The following MRPS33 variants were observed in gnomAD, a reference collection of about 807,000 sequenced individuals.
The protein encoded by MRPS33 is small ribosomal subunit protein mS33.
Under a neutral mutation model 11.2 loss-of-function variants are expected in MRPS33, and 11 were observed. The ratio of observed to expected loss-of-function variants is 0.99; its 90% CI spans 0.62 to 1.63. The LOEUF is 1.63. Among genes scored for constraint, MRPS33 ranks in the 40% most tolerant of loss-of-function variants. The pLI is 0.00. For missense variants in MRPS33, 109 were observed against 127.8 expected (o/e 0.85, Z 0.71); for synonymous variants, 46 against 44.0 (o/e 1.05, Z -0.18).
Position 141,003,525 on chromosome 7 carries a change from T to C in MRPS33, c.*2905A>G, listed in dbSNP as rs1820454362. On this transcript the variant is annotated 3_prime_UTR_variant, in exon 3 of 3. Coordinates refer to ENST00000324787, the MANE Select transcript of MRPS33 (RefSeq NM_053035.3). ...TCTACTTCTGCGTTATCTACAAACT[T>C]CCCTGTCAATCATTGCCAAGGCTCA... is the stretch of plus-strand genomic sequence containing the variant. 1 of 152,250 alleles carries C rather than the reference T, an allele frequency of 6.6e-6. No individual in the cohort carries two copies. Among genetic ancestry groups the C allele is most frequent in the Non-Finnish European group, 1.5e-5 (1 of 68,050 alleles). The allele number at this position is 152,250 out of a possible 1,614,324, so 9.4% of individuals were successfully genotyped here. A position where few individuals can be genotyped will look rare whatever the true frequency, so the allele number is the denominator to read the frequency against.
intron 2 of MRPS33, 72 bp downstream of exon 2, chr7:141,010,347 G>C (rs1229313892): frequency 6.9e-7 from 1 of 1,453,902 alleles, no homozygotes; most frequent in African/African-American, 1.4e-5. Context: ...AGGATAGAAA[G>C]GCTAATTTTT....
At chr7:141,007,474 G>A (rs1259029827) in intron 2 of MRPS33, among the ~76,000 whole-genome samples, 1 of 152,120 alleles carries the variant, frequency 6.6e-6, no homozygotes, top group East Asian at 1.9e-4. Context: ...CAGTGCAGCT[G>A]GTATAATTCT....
At chr7:141,013,525 C>T (rs1820729423) in intron 1 of MRPS33, among the ~76,000 whole-genome samples, 1 of 152,234 alleles carries the variant, frequency 6.6e-6, no homozygotes, top group African/African-American at 2.4e-5. Context: ...TTTCCTTCCA[C>T]AGTGCACAGA....
At chr7:141,014,732 T>G (rs1239016759) in intron 1 of MRPS33, 179 bp downstream of exon 1, 4 of 151,908 alleles carry the variant, frequency 2.6e-5, no homozygotes, top group Non-Finnish European at 5.9e-5. Flanking sequence ...GTTTAAGAAA[T>G]CCCCCAACTG....
chr7:141,010,381 A>G (rs769868720), intron 2 of MRPS33, 38 bp downstream of exon 2: 6 of 1,592,742 alleles, frequency 3.8e-6, no homozygotes, highest in Non-Finnish European at 4.3e-6. Flanking sequence ...CTACTGAAAA[A>G]AAGTCTCTCA....
At chr7:141,009,706 G>A (rs1820624810) in intron 2 of MRPS33, 1 of 152,038 alleles carries the variant, frequency 6.6e-6, no homozygotes, top group Non-Finnish European at 1.5e-5. Context: ...GTCGGTCAGG[G>A]ACTCTGTTCA....
At position 141,010,620 on chromosome 7, in the gene MRPS33, G is replaced by C; in HGVS notation, c.14C>G (p.Ser5Ter). ...ACGAGACATGCGGAAGGCATATTCTGAAAGGGAGGACATTTCTTGAGTGGC... is the reference window on the plus strand; with the variant it reads ...ACGAGACATGCGGAAGGCATATTCTCAAAGGGAGGACATTTCTTGAGTGGC... MSSL[S>*]EYAFRMSRLS... The change falls in exon 2 of 3, where the codon TCA becomes TGA. Residue 5 changes from serine (S) to a stop codon, truncating the protein, a stop_gained. Coordinates refer to ENST00000324787, the MANE Select transcript of MRPS33 (RefSeq NM_053035.3). LOFTEE classifies it high-confidence loss of function. 1 of 1,614,168 alleles carries C rather than the reference G, an allele frequency of 6.2e-7. No homozygotes were observed.
intron 2 of MRPS33, 182 bp downstream of exon 2, chr7:141,010,237 T>A (rs577734007): frequency 1.7e-6 from 1 of 595,426 alleles, no homozygotes; most frequent in South Asian, 2.2e-5. Flanking sequence ...ATTTCCTTTT[T>A]TTTTTTGGTC....
intron 1 of MRPS33, among the ~76,000 whole-genome samples, chr7:141,013,600 G>C (rs1166988230): frequency 6.6e-6 from 1 of 152,136 alleles, no homozygotes; most frequent in Non-Finnish European, 1.5e-5. Context: ...ATTACATTTT[G>C]ATTCACATGA....
At position 141,010,441 on chromosome 7, in the gene MRPS33, G is replaced by A. The variant is rs1192813657; in HGVS notation, c.193C>T (p.Leu65Phe). 5.6e-6 allele frequency: 9 copies of A among 1,614,180 alleles called. No individual in the cohort carries two copies. The highest frequency in any genetic ancestry group is 7.6e-6 in the Non-Finnish European group (9 of 1,180,032). Residue 65 changes from leucine to phenylalanine, a missense_variant, in exon 2 of 3, where the codon CTC becomes TTC. By Grantham distance (22) the Leu-to-Phe change is conservative. Coordinates refer to ENST00000324787, the MANE Select transcript of MRPS33 (RefSeq NM_053035.3). ...CACCTGTAGAGTCCAAGAAATCGGA[G>A]CGTCTGCATGAGTTCAGCGTAAGTG... ...HHTYAELMQT[L>F]RFLGLYRDEH... is the part of the protein sequence containing the mutation.
rs1214401836 is a variant in MRPS33, at chr7:141,005,844, G to A, written c.*586C>T. On this transcript the variant is annotated 3_prime_UTR_variant, in exon 3 of 3. Transcript: ENST00000324787. Reference sequence around the variant, plus strand: ...ACAAGACTGAAACTTACATGAGGTAGGGAGTATTTCTCTTGCTAACCACGT... The same window carrying A: ...ACAAGACTGAAACTTACATGAGGTAAGGAGTATTTCTCTTGCTAACCACGT... 1 of 152,602 alleles carries A rather than the reference G, an allele frequency of 6.6e-6. No individual in the cohort carries two copies. The highest frequency in any genetic ancestry group is 1.5e-5 in the Non-Finnish European group (1 of 68,368). 9.5% of individuals were successfully genotyped at this position (152,602 alleles called of 1,614,324 possible).
intron 2 of MRPS33, among the ~76,000 whole-genome samples, chr7:141,008,928 G>GGGATTACA (rs1382752268): frequency 6.6e-6 from 1 of 151,704 alleles, no homozygotes; most frequent in Non-Finnish European, 1.5e-5. Flanking sequence ...CCAAGTAGCT[G>GGGATTACA]GGATTACAGG....
At position 141,006,119 on chromosome 7, in the gene MRPS33, C is replaced by G. The variant is rs2129164061; in HGVS notation, c.*311G>C. On this transcript the variant is annotated 3_prime_UTR_variant, in exon 3 of 3. Transcript: ENST00000324787. ...TAGGATGCTCACTTAATGAGGTTTC[C>G]CCTCCATTCCCCCAGCATCCCATCC... 5.8e-6 allele frequency: 2 copies of G among 343,252 alleles called. No homozygotes were observed. The highest frequency in any genetic ancestry group is 1.1e-5 in the Non-Finnish European group (2 of 184,840). The allele number at this position is 343,252 out of a possible 1,614,324, so 21.3% of individuals were successfully genotyped here. A position where few individuals can be genotyped will look rare whatever the true frequency, so the allele number is the denominator to read the frequency against.
rs78735699 is a variant in MRPS33, at chr7:141,012,310, C to T, written c.-27-1650G>A. On this transcript the variant is annotated intron_variant, in intron 1 of 2. Transcript: ENST00000324787. ...GCAACGGTAGAACTGTCAGATCCAA[C>T]GTCCACCCCTCCCTCCCCACCATCT... Among the ~76,000 whole-genome samples the T allele has an allele frequency of 3.1e-4, 47 of 152,080 alleles. 1 individual carries two copies. The East Asian group carries it at 7.0e-3, about 23-fold the overall frequency.
intron 2 of MRPS33, among the ~76,000 whole-genome samples, chr7:141,007,659 T>C (rs975076685): frequency 6.6e-6 from 1 of 152,124 alleles, no homozygotes; most frequent in Non-Finnish European, 1.5e-5. Context: ...CACTCCCACC[T>C]CAAGGCCTTT....
chr7:141,012,289 C>T (rs1412449216), intron 1 of MRPS33, among the ~76,000 whole-genome samples: 6 of 151,222 alleles, frequency 4.0e-5, no homozygotes, highest in African/African-American at 4.9e-5. Flanking sequence ...AGGCTGGCAA[C>T]GGTAGAACTG....
In MRPS33 at chr7:141,006,621, C is replaced by T; in HGVS notation, c.216-86G>A. On this transcript the variant is annotated intron_variant, in intron 2 of 2. Coordinates refer to ENST00000324787, the MANE Select transcript of MRPS33 (RefSeq NM_053035.3). ...TCTAGCACGCACTGCTCTCTTAGGTCATTCTGGTTATCGATCTTTGACTTT... is the reference window on the plus strand; with the variant it reads ...TCTAGCACGCACTGCTCTCTTAGGTTATTCTGGTTATCGATCTTTGACTTT... 3.6e-6 allele frequency: 4 copies of T among 1,098,294 alleles called. No homozygotes were observed. The South Asian group carries it at 5.4e-5, about 15-fold the overall frequency. 68.0% of individuals were successfully genotyped at this position (1,098,294 alleles called of 1,614,324 possible).
At chr7:141,007,341 T>A (rs979703179) in intron 2 of MRPS33, among the ~76,000 whole-genome samples, 1 of 152,086 alleles carries the variant, frequency 6.6e-6, no homozygotes, top group African/African-American at 2.4e-5. Context: ...TAACAGTGTA[T>A]GAATCAAATG....
chr7:141,010,285 G>T, intron 2 of MRPS33, 134 bp downstream of exon 2: 1 of 772,168 alleles, frequency 1.3e-6, no homozygotes, highest in Non-Finnish European at 2.0e-6. Context: ...ACTTTCTCCT[G>T]CCAACTGTAC....
Sources: allele counts gnomAD v4.1 joint callset (sites outside exome capture counted in the v4.1 genomes callset), GRCh38; gene constraint gnomAD v4.1.1; transcripts MANE v1.5; gene names NCBI Gene and HGNC (gene_info 2026-07-23, HGNC 2026-07-21).